SMG1: variants seen among roughly 807,000 people sequenced by gnomAD.
SMG1 encodes SMG1 nonsense mediated mRNA decay associated PI3K related kinase.
SMG1 carries 22 observed loss-of-function variants against 419.9 expected under a neutral mutation model. The ratio of observed to expected loss-of-function variants is 0.05; its 90% CI spans 0.04 to 0.07. The LOEUF (loss-of-function observed/expected upper bound fraction) is 0.07. SMG1 is among the 10% of genes least tolerant of loss of function. The pLI, the probability that SMG1 is intolerant of heterozygous loss-of-function variation, is 1.00. For missense variants in SMG1, 3,185 were observed against 4,342.0 expected, an observed-to-expected ratio of 0.73 and a Z score of 7.49; for synonymous variants, 1,538 against 1,553.5, an observed-to-expected ratio of 0.99 and a Z score of 0.23.
intron 1 of SMG1, among the ~76,000 whole-genome samples, chr16:18,908,961 TC>T (rs2037689760): frequency 6.6e-6 from 1 of 152,156 alleles, no homozygotes; most frequent in Non-Finnish European, 1.5e-5. Flanking sequence ...CTGATAAAGT[TC>T]CTTTAGCCAA....
chr16:18,888,155 A>C (rs1364088381), intron 6 of SMG1, among the ~76,000 whole-genome samples: 2 of 105,246 alleles, frequency 1.9e-5, no homozygotes, highest in African/African-American at 7.4e-5. Flanking sequence ...ACAGAGCAAG[A>C]CTCTGCATCA....
chr16:18,907,496 C>G (rs1418403188), intron 1 of SMG1, among the ~76,000 whole-genome samples: 1 of 152,062 alleles, frequency 6.6e-6, no homozygotes. Flanking sequence ...GCTAGAACTA[C>G]AGGTATGGAG....
intron 38 of SMG1, among the ~76,000 whole-genome samples, chr16:18,847,181 T>G (rs1290182748): frequency 6.6e-6 from 1 of 152,076 alleles, no homozygotes; most frequent in Non-Finnish European, 1.5e-5. Flanking sequence ...ATAGGCAAAT[T>G]CATAATAGAG....
rs1387481954 is a variant in SMG1, at chr16:18,831,322, G to C, written c.8793-953C>G. Among the ~76,000 whole-genome samples the C allele has an allele frequency of 6.6e-5, 10 of 152,174 alleles. No individual in the cohort carries two copies. The East Asian group carries it at 1.9e-3, about 29-fold the overall frequency. ...TGTAAGATGGTATGAGATTTTCCTT[G>C]AGATTACCCAAAAAAAGCTTCTCTG... On this transcript the variant is annotated intron_variant, in intron 51 of 62. Coordinates refer to ENST00000446231, the MANE Select transcript of SMG1 (RefSeq NM_015092.5).
At chr16:18,904,499 G>C (rs1438942191) in intron 1 of SMG1, among the ~76,000 whole-genome samples, 12 of 151,690 alleles carry the variant, frequency 7.9e-5, no homozygotes, top group African/African-American at 2.2e-4. Flanking sequence ...TTACCTGCGT[G>C]TGGTGGCACG....
In SMG1 at chr16:18,853,574, C is replaced by T. The variant is rs1241352363; in HGVS notation, c.4768+9G>A. The stretch of plus-strand genomic sequence containing the variant: ...AATTAATATTCTAAAGCTAATAAAG[C>T]AACTCTACCTGTAGATTCACTCTCG... On this transcript the variant is annotated intron_variant, in intron 31 of 62. Coordinates refer to ENST00000446231, the MANE Select transcript of SMG1 (RefSeq NM_015092.5). 6.5e-7 allele frequency: 1 copy of T among 1,547,196 alleles called. No homozygotes were observed. The highest frequency in any genetic ancestry group is 2.1e-5 in the Admixed American group (1 of 47,740).
chr16:18,854,912 G>A lies in SMG1; in HGVS notation c.4235-8C>T. 1.2e-6 allele frequency: 2 copies of A among 1,608,184 alleles called. No individual in the cohort carries two copies. The highest frequency in any genetic ancestry group is 1.7e-6 in the Non-Finnish European group (2 of 1,177,888). The stretch of plus-strand genomic sequence containing the variant: ...TAATTGGGACTGTTTGTTCTGAAGA[G>A]AGGAAAACGTTTTATTAGTTCCTAA... On this transcript the variant is annotated splice_polypyrimidine_tract_variant and splice_region_variant and intron_variant, in intron 29 of 62. Coordinates refer to ENST00000446231, the MANE Select transcript of SMG1 (RefSeq NM_015092.5).
intron 6 of SMG1, among the ~76,000 whole-genome samples, chr16:18,886,663 A>G (rs1466035447): frequency 6.6e-6 from 1 of 152,162 alleles, no homozygotes; most frequent in Non-Finnish European, 1.5e-5. Flanking sequence ...TTAGCAGAGC[A>G]CAGTGGCACA....
chr16:18,812,553 TATATATATACATATATATACACACAC>T (rs939400876), intron 60 of SMG1, among the ~76,000 whole-genome samples: 4 of 151,120 alleles, frequency 2.6e-5, no homozygotes, highest in African/African-American at 4.9e-5. Flanking sequence ...AACTATTTTA[TATATATATACATATATATACACACAC>T]ATATATATAC....
chr16:18,834,934 C>G lies in SMG1; in HGVS notation c.8288G>C (p.Ser2763Thr). 1 of 1,614,038 alleles carries G rather than the reference C, an allele frequency of 6.2e-7. No individual in the cohort carries two copies. The highest frequency in any genetic ancestry group is 1.1e-5 in the South Asian group (1 of 91,084). Reference sequence around the variant, plus strand: ...GGCAGAAATAATAACACTTGCTAGACTCAAAGATCCTTCTTCTCCATTCTC... The same window carrying G: ...GGCAGAAATAATAACACTTGCTAGAGTCAAAGATCCTTCTTCTCCATTCTC... ...LHENGEEGSL[S>T]LASVIISALC... Residue 2763 changes from serine (S) to threonine (T), a missense_variant, in exon 49 of 63, where the codon AGT becomes ACT. This residue lies in a region of SMG1 where 412 missense variants were observed against 546.6 expected (regional missense o/e 0.75). Coordinates refer to ENST00000446231, the MANE Select transcript of SMG1 (RefSeq NM_015092.5).
Position 18,849,991 on chromosome 16 carries a change from G to C in SMG1, c.5419C>G (p.Leu1807Val). The C allele has an allele frequency of 6.2e-7, 1 of 1,614,000 alleles. No homozygotes were observed. Among genetic ancestry groups the C allele is most frequent in the East Asian group, 2.2e-5 (1 of 44,878 alleles). The change falls in exon 35 of 63, where the codon CTG (leucine) becomes GTG (valine). Residue 1807 changes from leucine (L) to valine (V), a missense_variant. By Grantham distance (32) the Leu-to-Val change is conservative. This residue lies in a region of SMG1 where 493 missense variants were observed against 552.9 expected (regional missense o/e 0.89). Transcript: ENST00000446231. ...GGTGTTGTCTCCAAGCCGTGCTCCA[G>C]ATACTGCCGAAGCTCACCAGCATGC... ...VKHAGELRQY[L>V]EHGLETTPTA...
chr16:18,805,825 T>G lies in SMG1; in HGVS notation c.*3744A>C, dbSNP rs1803399410. The G allele has an allele frequency of 6.6e-6, 1 of 152,304 alleles. No individual in the cohort carries two copies. The highest frequency in any genetic ancestry group is 1.5e-5 in the Non-Finnish European group (1 of 68,020). The allele number at this position is 152,304 out of a possible 1,614,324, so 9.4% of individuals were successfully genotyped here. The stretch of plus-strand genomic sequence containing the variant: ...ATAAAAAATTGAACACTGGTTTTCA[T>G]ACTCTAATTTTATGTAAAACAAAGA... On this transcript the variant is annotated 3_prime_UTR_variant, in exon 63 of 63. Coordinates refer to ENST00000446231, the MANE Select transcript of SMG1 (RefSeq NM_015092.5).
At chr16:18,918,326 A>G (rs1596662926) in intron 1 of SMG1, among the ~76,000 whole-genome samples, 1 of 152,326 alleles carries the variant, frequency 6.6e-6, no homozygotes, top group African/African-American at 2.4e-5. Flanking sequence ...AAGGCCTACA[A>G]TAGGGTTCCC....
chr16:18,812,478 CATT>C (rs1268357304), intron 60 of SMG1, among the ~76,000 whole-genome samples: 1 of 151,998 alleles, frequency 6.6e-6, no homozygotes, highest in African/African-American at 2.4e-5. Flanking sequence ...GAAATATAAA[CATT>C]AATTTACCAA....
chr16:18,847,701 T>C, intron 37 of SMG1, 94 bp from the exon 38 acceptor site: 1 of 1,581,390 alleles, frequency 6.3e-7, no homozygotes, highest in Non-Finnish European at 8.6e-7. Flanking sequence ...TGTGTGCAAT[T>C]GGTGCTCATT....
In SMG1 at chr16:18,835,949, G is replaced by C; in HGVS notation, c.8041C>G (p.Gln2681Glu). 2 of 1,552,480 alleles carry C rather than the reference G, an allele frequency of 1.3e-6. No individual in the cohort carries two copies. The highest frequency in any genetic ancestry group is 1.7e-6 in the Non-Finnish European group (2 of 1,147,196). The change falls in exon 48 of 63, where the codon CAA becomes GAA. Residue 2681 changes from glutamine (Q) to glutamate (E), a missense_variant. Gln to Glu is a conservative substitution (Grantham distance 29, BLOSUM62 2). Around this residue, in one of 27 missense-constraint regions of SMG1, gnomAD observed 412 missense variants for 546.6 expected, o/e 0.75. Coordinates refer to ENST00000446231, the MANE Select transcript of SMG1 (RefSeq NM_015092.5). ...LICNTTVERC[Q>E]ELYRKYEMQY... ...TCAACTTACTTCCTATAGAGCTCTT[G>C]ACAACGCTCTACTGTGGTGTTACAG...
At chr16:18,826,860 C>T (rs1181491371) in intron 55 of SMG1, among the ~76,000 whole-genome samples, 1 of 43,878 alleles carries the variant, frequency 2.3e-5, no homozygotes, top group African/African-American at 7.6e-5. Context: ...CCCCCAGCCT[C>T]GTTGCCGCCT....
intron 1 of SMG1, among the ~76,000 whole-genome samples, chr16:18,915,884 C>T (rs2037952869): frequency 6.6e-6 from 1 of 151,030 alleles, no homozygotes; most frequent in Admixed American, 6.6e-5. Context: ...GCCTGGCCAA[C>T]ATGGTGAAAC....
At position 18,836,006 on chromosome 16, in the gene SMG1, C is replaced by G; in HGVS notation, c.7984G>C (p.Glu2662Gln). The stretch of plus-strand genomic sequence containing the variant: ...TCTTCCATCCAGGTCTTCCACTGTT[C>G]AATTCGATGTTTCTGAAATATGGCC... ...PKAIFQKHRI[E>Q]QWKTWMEELI... Residue 2662 changes from glutamate (E) to glutamine (Q), a missense_variant, in exon 48 of 63, where the codon GAA becomes CAA. This residue lies in a region of SMG1 where 412 missense variants were observed against 546.6 expected (regional missense o/e 0.75). Coordinates refer to ENST00000446231, the MANE Select transcript of SMG1 (RefSeq NM_015092.5). The G allele has an allele frequency of 6.4e-7, 1 of 1,561,350 alleles. No homozygotes were observed. The highest frequency in any genetic ancestry group is 8.7e-7 in the Non-Finnish European group (1 of 1,152,212).
Sources: gnomAD v4.1 joint callset for allele counts (sites outside exome capture counted in the v4.1 genomes callset) on GRCh38, gnomAD v4.1.1 for gene constraint, gnomAD v4.1.1 regional missense constraint, MANE v1.5 for transcripts, NCBI Gene and HGNC (gene_info 2026-07-23, HGNC 2026-07-21) for gene names.